The following COLEC10 variants were observed in gnomAD, a reference collection of about 807,000 sequenced individuals.
COLEC10 encodes collectin subfamily member 10, also known as collectin-10.
Under a neutral mutation model 28.4 loss-of-function variants are expected in COLEC10, and 22 were observed. That is an observed-to-expected ratio of 0.78 (90% CI 0.55 to 1.11). The LOEUF (loss-of-function observed/expected upper bound fraction) is 1.11. Among genes scored for constraint, COLEC10 ranks in the 50% least tolerant of loss-of-function variants. The pLI is 0.00. For missense variants in COLEC10, 361 were observed against 344.1 expected, an observed-to-expected ratio of 1.05 and a Z score of -0.39; for synonymous variants, 125 against 116.1, an observed-to-expected ratio of 1.08 and a Z score of -0.49.
intron 2 of COLEC10, among the ~76,000 whole-genome samples, chr8:119,043,709 A>G (rs993263160): frequency 1.9e-4 from 29 of 152,310 alleles, no homozygotes; most frequent in African/African-American, 7.0e-4. Flanking sequence ...GTTGGAATGT[A>G]TGTTTTATAT....
intron 2 of COLEC10, among the ~76,000 whole-genome samples, chr8:119,057,076 A>G (rs547236671): frequency 6.6e-6 from 1 of 152,188 alleles, no homozygotes; most frequent in African/African-American, 2.4e-5. Flanking sequence ...CTGTGTTGCC[A>G]CCCAAATCTC....
intron 1 of COLEC10, among the ~76,000 whole-genome samples, chr8:119,078,222 T>G (rs1435764012): frequency 6.6e-6 from 1 of 152,224 alleles, no homozygotes; most frequent in Admixed American, 6.5e-5. Context: ...AACCTAATTT[T>G]AATTGAACAG....
chr8:119,036,081 G>A (rs1872423), intron 2 of COLEC10, among the ~76,000 whole-genome samples: 88,609 of 151,874 alleles, frequency 0.58, 26,508 homozygotes, highest in African/African-American at 0.72. Flanking sequence ...ATTAATTCAA[G>A]CACACGGTTT....
At chr8:118,961,615 T>A in the COLEC10 span, among the ~76,000 whole-genome samples, 1 of 152,168 alleles carries the variant, frequency 6.6e-6, no homozygotes, top group East Asian at 1.9e-4. Context: ...ACCCATCTCT[T>A]ACTCTTTTCA....
chr8:119,051,137 G>A (rs1814666664), intron 2 of COLEC10, among the ~76,000 whole-genome samples: 1 of 151,772 alleles, frequency 6.6e-6, no homozygotes, highest in South Asian at 2.1e-4. Context: ...AAAAAAAATG[G>A]ACATGAAAGT....
At chr8:119,098,016 C>T (rs1815754515) in intron 3 of COLEC10, among the ~76,000 whole-genome samples, 1 of 152,056 alleles carries the variant, frequency 6.6e-6, no homozygotes, top group Admixed American at 6.6e-5. Flanking sequence ...ACCTCCAGAA[C>T]TCTTTTCAAC....
chr8:119,102,697 A>G, intron 4 of COLEC10: 1 of 299,200 alleles, frequency 3.3e-6, no homozygotes, highest in South Asian at 6.8e-5. Context: ...CTCTGGCAGT[A>G]AGCCCTGCCT....
At chr8:118,959,349 C>T in the COLEC10 span, among the ~76,000 whole-genome samples, 1 of 152,248 alleles carries the variant, frequency 6.6e-6, no homozygotes, top group East Asian at 1.9e-4. Context: ...GATTAGAGCT[C>T]AGGCTCTGAG....
the COLEC10 span, among the ~76,000 whole-genome samples, chr8:118,957,434 G>C: frequency 6.6e-6 from 1 of 152,184 alleles, no homozygotes; most frequent in Non-Finnish European, 1.5e-5. Flanking sequence ...TCAGACAATG[G>C]AGGTAGAGAA....
chr8:119,061,170 CA>C (rs920723477), intron 2 of COLEC10, among the ~76,000 whole-genome samples: 1 of 151,778 alleles, frequency 6.6e-6, no homozygotes, highest in African/African-American at 2.4e-5. Context: ...ACACATTCAA[CA>C]AAAGAGTTGA....
At chr8:119,067,956 C>T (rs1254292594) in intron 1 of COLEC10, 1 of 152,164 alleles carries the variant, frequency 6.6e-6, no homozygotes, top group East Asian at 1.9e-4. Flanking sequence ...TATAAATGAA[C>T]ATTTCTTTAT....
intron 1 of COLEC10, among the ~76,000 whole-genome samples, chr8:119,000,178 A>G (rs1813666764): frequency 6.6e-6 from 1 of 152,152 alleles, no homozygotes; most frequent in Admixed American, 6.5e-5. Context: ...TAAAAGGAGG[A>G]GCCAGCATAG....
chr8:118,985,920 A>G, the COLEC10 span, among the ~76,000 whole-genome samples: 316 of 152,158 alleles, frequency 2.1e-3, no homozygotes, highest in African/African-American at 7.3e-3. Context: ...TGAAGTTTTC[A>G]CCGTCTTTCA....
the COLEC10 span, among the ~76,000 whole-genome samples, chr8:118,983,307 T>C: frequency 6.6e-6 from 1 of 152,188 alleles, no homozygotes. Flanking sequence ...TGTTTATATT[T>C]CTTTGATTCT....
intron 1 of COLEC10, among the ~76,000 whole-genome samples, chr8:119,080,709 A>C (rs1237997591): frequency 1.3e-5 from 2 of 152,160 alleles, no homozygotes; most frequent in Admixed American, 1.3e-4. Context: ...AGATGTAAAG[A>C]AAAAGCTAAT....
chr8:119,038,975 A>G (rs1432253380), intron 2 of COLEC10, among the ~76,000 whole-genome samples: 2 of 152,118 alleles, frequency 1.3e-5, no homozygotes, highest in Non-Finnish European at 2.9e-5. Context: ...ATGACTAAAT[A>G]TGTATACTAG....
the COLEC10 span, among the ~76,000 whole-genome samples, chr8:118,967,163 T>A: frequency 6.6e-6 from 1 of 152,140 alleles, no homozygotes; most frequent in Non-Finnish European, 1.5e-5. Context: ...TCTACTTGGC[T>A]TGGCATGCCA....
intron 3 of COLEC10, among the ~76,000 whole-genome samples, chr8:119,093,043 G>A (rs1182278427): frequency 2.0e-5 from 3 of 152,334 alleles, no homozygotes; most frequent in Non-Finnish European, 4.4e-5. Context: ...ATAGGCAAAA[G>A]GCACTAGAGA....
chr8:119,011,299 G>A (rs1708528938), intron 2 of COLEC10, among the ~76,000 whole-genome samples: 1 of 150,716 alleles, frequency 6.6e-6, no homozygotes, highest in Non-Finnish European at 1.5e-5. Context: ...ATTTATATGG[G>A]TCTATTTTTG....
Sources: gnomAD v4.1 joint callset for allele counts (sites outside exome capture counted in the v4.1 genomes callset) on GRCh38, gnomAD v4.1.1 for gene constraint, MANE v1.5 for transcripts, NCBI Gene and HGNC (gene_info 2026-07-23, HGNC 2026-07-21) for gene names.